The following GRM7 variants were observed in gnomAD, a reference collection of about 807,000 sequenced individuals.
GRM7 encodes the protein glutamate metabotropic receptor 7.
Under a neutral mutation model 84.5 loss-of-function variants are expected in GRM7, and 35 were observed. The observed-to-expected ratio is 0.41, with a 90% CI of 0.32 to 0.55. The LOEUF (loss-of-function observed/expected upper bound fraction) is 0.55, where lower values mean the gene tolerates loss of function less well. Ranked by LOEUF, GRM7 falls within the 20% of genes least tolerant of loss-of-function variation. GRM7 has a pLI of 0.19. For synonymous variants in GRM7, 487 were observed against 455.1 expected (o/e 1.07, Z -0.89); for missense variants, 1,003 against 1,194.6 (o/e 0.84, Z 2.36).
At chr3:6,936,347 A>G (rs1163295345) in intron 1 of GRM7, among the ~76,000 whole-genome samples, 1 of 152,188 alleles carries the variant, frequency 6.6e-6, no homozygotes, top group Non-Finnish European at 1.5e-5. Context: ...TGGTTTTCCA[A>G]TAAGTTCCAA....
At chr3:7,033,091 G>A (rs997819251) in intron 1 of GRM7, among the ~76,000 whole-genome samples, 1 of 152,112 alleles carries the variant, frequency 6.6e-6, no homozygotes, top group African/African-American at 2.4e-5. Flanking sequence ...GGCTTCTGGA[G>A]GTTGCCACAG....
intron 2 of GRM7, among the ~76,000 whole-genome samples, chr3:7,221,451 A>C (rs758210902): frequency 2.0e-5 from 3 of 152,100 alleles, no homozygotes; most frequent in Non-Finnish European, 4.4e-5. Flanking sequence ...GCCATGCAGC[A>C]CATAGTTTTC....
intron 9 of GRM7, among the ~76,000 whole-genome samples, chr3:7,718,690 A>T (rs1004874896): frequency 2.6e-5 from 4 of 152,130 alleles, no homozygotes; most frequent in Non-Finnish European, 5.9e-5. Context: ...GACTTATCCA[A>T]AGACCATCTG....
At chr3:7,364,125 T>G (rs956974416) in intron 4 of GRM7, among the ~76,000 whole-genome samples, 1 of 151,992 alleles carries the variant, frequency 6.6e-6, no homozygotes, top group Non-Finnish European at 1.5e-5. Flanking sequence ...CTACCTTGAT[T>G]ATGTTTGTTT....
chr3:6,888,533 G>T (rs991314659), intron 1 of GRM7, among the ~76,000 whole-genome samples: 3 of 152,108 alleles, frequency 2.0e-5, no homozygotes, highest in African/African-American at 7.2e-5. Flanking sequence ...TCAAAGATCA[G>T]ATAGCTATAG....
chr3:7,680,598 G>A, intron 9 of GRM7: 1 of 333,844 alleles, frequency 3.0e-6, no homozygotes, highest in Non-Finnish European at 5.6e-6. Context: ...CTATCAGGTT[G>A]TTCTTTTCTT....
At chr3:7,244,737 A>G (rs530302832) in intron 2 of GRM7, among the ~76,000 whole-genome samples, 1 of 152,216 alleles carries the variant, frequency 6.6e-6, no homozygotes. Flanking sequence ...GCTGGCTTTG[A>G]CAATGTACCA....
intron 1 of GRM7, among the ~76,000 whole-genome samples, chr3:6,935,875 T>C (rs765066176): frequency 8.5e-5 from 13 of 152,120 alleles, no homozygotes; most frequent in Non-Finnish European, 1.5e-4. Flanking sequence ...TTTGTATTTT[T>C]AGTAGAGACA....
At chr3:7,396,930 G>T (rs1288542482) in intron 4 of GRM7, among the ~76,000 whole-genome samples, 1 of 152,006 alleles carries the variant, frequency 6.6e-6, no homozygotes, top group Non-Finnish European at 1.5e-5. Context: ...TAAGATATGG[G>T]TTTTTAAGGA....
intron 7 of GRM7, among the ~76,000 whole-genome samples, chr3:7,524,252 A>C (rs371645902): frequency 6.7e-6 from 1 of 150,144 alleles, no homozygotes; most frequent in Non-Finnish European, 1.5e-5. Flanking sequence ...ACAAAAGCCA[A>C]AATTGACAAA....
chr3:7,114,676 T>C (rs574516769), intron 1 of GRM7, among the ~76,000 whole-genome samples: 146 of 152,278 alleles, frequency 9.6e-4, no homozygotes, highest in African/African-American at 3.3e-3. Context: ...ACCACAGAAC[T>C]TGTGTTTCTT....
At chr3:6,902,699 G>A (rs2125005910) in intron 1 of GRM7, among the ~76,000 whole-genome samples, 1 of 152,090 alleles carries the variant, frequency 6.6e-6, no homozygotes, top group East Asian at 1.9e-4. Context: ...CAGATCTGCA[G>A]ACTATTAAGA....
At chr3:7,594,628 CAG>C (rs1295949740) in intron 8 of GRM7, among the ~76,000 whole-genome samples, 1 of 152,130 alleles carries the variant, frequency 6.6e-6, no homozygotes, top group African/African-American at 2.4e-5. Context: ...GTCTTCCCGA[CAG>C]GCCTCCGCAG....
intron 7 of GRM7, among the ~76,000 whole-genome samples, chr3:7,495,374 G>A (rs1699664529): frequency 6.6e-6 from 1 of 152,106 alleles, no homozygotes; most frequent in Non-Finnish European, 1.5e-5. Flanking sequence ...TCATGGGCCT[G>A]CAGGGACAAA....
At chr3:7,137,622 A>G (rs916769450) in intron 1 of GRM7, among the ~76,000 whole-genome samples, 1 of 152,050 alleles carries the variant, frequency 6.6e-6, no homozygotes, top group African/African-American at 2.4e-5. Flanking sequence ...GGGGAGAGAG[A>G]TGCTTTCACA....
intron 4 of GRM7, among the ~76,000 whole-genome samples, chr3:7,399,645 C>A (rs1223889000): frequency 6.6e-6 from 1 of 152,084 alleles, no homozygotes; most frequent in East Asian, 1.9e-4. Flanking sequence ...GGGGCGGATC[C>A]CTCATGAGTG....
chr3:7,299,094 A>G (rs1162602501), intron 3 of GRM7, among the ~76,000 whole-genome samples: 1 of 152,164 alleles, frequency 6.6e-6, no homozygotes, highest in African/African-American at 2.4e-5. Context: ...TTATTTAAAA[A>G]TTTTTCCAAA....
intron 1 of GRM7, among the ~76,000 whole-genome samples, chr3:6,995,399 C>T (rs1694793650): frequency 6.6e-6 from 1 of 152,168 alleles, no homozygotes; most frequent in Non-Finnish European, 1.5e-5. Context: ...AGACGGCGGT[C>T]AGATTCAGCC....
At chr3:7,598,673 G>A (rs1395473464) in intron 8 of GRM7, among the ~76,000 whole-genome samples, 1 of 152,174 alleles carries the variant, frequency 6.6e-6, no homozygotes, top group Non-Finnish European at 1.5e-5. Context: ...TGCCATCTTT[G>A]CTTAAGCTTT....
Sources: allele counts gnomAD v4.1 joint callset (sites outside exome capture counted in the v4.1 genomes callset), GRCh38; gene constraint gnomAD v4.1.1; transcripts MANE v1.5; gene names NCBI Gene and HGNC (gene_info 2026-07-23, HGNC 2026-07-21).